Variants in LRRTM4 observed in about 807,000 individuals in gnomAD.
The protein encoded by LRRTM4 is leucine-rich repeat transmembrane neuronal protein 4.
In LRRTM4, 25 loss-of-function variants were observed where a neutral mutation model predicts 47.6. That is an observed-to-expected ratio of 0.53 (90% confidence interval 0.38 to 0.73). The LOEUF (loss-of-function observed/expected upper bound fraction) is 0.73. Ranked by LOEUF, LRRTM4 falls within the 30% of genes least tolerant of loss-of-function variation. The pLI is 0.00. For missense variants in LRRTM4, 638 were observed against 713.4 expected (o/e 0.89, Z 1.20); for synonymous variants, 311 against 269.5 (o/e 1.15, Z -1.51).
chr2:77,467,827 A>T (rs1395007039), intron 3 of LRRTM4, among the ~76,000 whole-genome samples: 2 of 152,178 alleles, frequency 1.3e-5, no homozygotes, highest in East Asian at 3.9e-4. Context: ...GAAGAAACAC[A>T]TTTTTGTGTG....
chr2:77,254,594 A>C (rs2104022361), intron 3 of LRRTM4, among the ~76,000 whole-genome samples: 1 of 152,006 alleles, frequency 6.6e-6, no homozygotes, highest in South Asian at 2.1e-4. Flanking sequence ...TAAAAATTTT[A>C]ACTGCCAAAT....
intron 3 of LRRTM4, among the ~76,000 whole-genome samples, chr2:76,775,020 G>A (rs1465725458): frequency 6.6e-6 from 1 of 152,064 alleles, no homozygotes; most frequent in Non-Finnish European, 1.5e-5. Flanking sequence ...CCTCTAGTGT[G>A]GTGTCTCTTA....
At chr2:77,247,603 T>G (rs1317341023) in intron 3 of LRRTM4, among the ~76,000 whole-genome samples, 1 of 152,078 alleles carries the variant, frequency 6.6e-6, no homozygotes, top group Non-Finnish European at 1.5e-5. Flanking sequence ...TAACTCTAAA[T>G]TGACTCTTAT....
At chr2:77,180,230 T>C (rs1311852192) in intron 3 of LRRTM4, among the ~76,000 whole-genome samples, 1 of 152,174 alleles carries the variant, frequency 6.6e-6, no homozygotes, top group African/African-American at 2.4e-5. Flanking sequence ...CAGAGAGATA[T>C]TCTGAGTCCC....
intron 3 of LRRTM4, among the ~76,000 whole-genome samples, chr2:77,140,267 C>T (rs1371896643): frequency 1.3e-5 from 2 of 152,038 alleles, no homozygotes; most frequent in African/African-American, 4.8e-5. Context: ...GTACTGGTAC[C>T]AAAACAAAGA....
intron 3 of LRRTM4, among the ~76,000 whole-genome samples, chr2:77,444,396 T>C (rs1046687370): frequency 2.8e-4 from 42 of 152,122 alleles, no homozygotes; most frequent in African/African-American, 9.7e-4. Flanking sequence ...TAGTGATATA[T>C]TCCCTTGCTC....
At chr2:77,142,804 C>G (rs937476572) in intron 3 of LRRTM4, among the ~76,000 whole-genome samples, 4 of 152,124 alleles carry the variant, frequency 2.6e-5, no homozygotes, top group Non-Finnish European at 5.9e-5. Context: ...CACGTAATCT[C>G]TAAAGATTGT....
At chr2:76,813,725 G>A (rs879228227) in intron 3 of LRRTM4, among the ~76,000 whole-genome samples, 1 of 152,046 alleles carries the variant, frequency 6.6e-6, no homozygotes, top group Admixed American at 6.6e-5. Flanking sequence ...GTGGGATGAG[G>A]CAGATTCAAA....
intron 3 of LRRTM4, among the ~76,000 whole-genome samples, chr2:77,152,806 G>A (rs908219841): frequency 5.3e-5 from 8 of 151,894 alleles, no homozygotes; most frequent in South Asian, 2.1e-4. Flanking sequence ...CCTTTTTATT[G>A]TAAATTGACA....
At chr2:77,114,919 C>T (rs1435725732) in intron 3 of LRRTM4, among the ~76,000 whole-genome samples, 1 of 152,130 alleles carries the variant, frequency 6.6e-6, no homozygotes, top group African/African-American at 2.4e-5. Flanking sequence ...CATGCATTGT[C>T]TTGATAAACA....
intron 3 of LRRTM4, among the ~76,000 whole-genome samples, chr2:77,429,686 C>T (rs559318494): frequency 1.2e-4 from 18 of 151,954 alleles, no homozygotes; most frequent in South Asian, 4.1e-4. Context: ...AGTGGAATGG[C>T]GGTTATCAGG....
At chr2:76,886,542 G>C (rs888703856) in intron 3 of LRRTM4, among the ~76,000 whole-genome samples, 8 of 151,926 alleles carry the variant, frequency 5.3e-5, no homozygotes, top group Non-Finnish European at 7.4e-5. Flanking sequence ...GAAGAAAAAA[G>C]AGATATATAT....
At chr2:76,843,828 G>A (rs897816262) in intron 3 of LRRTM4, among the ~76,000 whole-genome samples, 1 of 151,582 alleles carries the variant, frequency 6.6e-6, no homozygotes, top group Non-Finnish European at 1.5e-5. Flanking sequence ...ATTATGAAAA[G>A]TAAAAACAAC....
At chr2:77,050,133 T>A (rs1391749284) in intron 3 of LRRTM4, among the ~76,000 whole-genome samples, 1 of 151,052 alleles carries the variant, frequency 6.6e-6, no homozygotes, top group Non-Finnish European at 1.5e-5. Flanking sequence ...CAAGTCTTTT[T>A]TTTTTTTTTT....
At chr2:77,058,365 T>C (rs1679675231) in intron 3 of LRRTM4, among the ~76,000 whole-genome samples, 1 of 152,172 alleles carries the variant, frequency 6.6e-6, no homozygotes, top group Non-Finnish European at 1.5e-5. Flanking sequence ...AAGCCAAGTC[T>C]ACTGGCGAAT....
intron 3 of LRRTM4, among the ~76,000 whole-genome samples, chr2:76,774,252 T>C (rs1673854449): frequency 6.6e-6 from 1 of 152,046 alleles, no homozygotes; most frequent in Non-Finnish European, 1.5e-5. Context: ...TGGTGCAATC[T>C]TGGCTCACTG....
chr2:77,493,393 C>T (rs1019277504), intron 3 of LRRTM4, among the ~76,000 whole-genome samples: 5 of 151,974 alleles, frequency 3.3e-5, no homozygotes, highest in Admixed American at 1.3e-4. Flanking sequence ...TATATTCAAA[C>T]TTCTGGAAAG....
At chr2:76,925,591 AT>A in intron 3 of LRRTM4, among the ~76,000 whole-genome samples, 1 of 152,262 alleles carries the variant, frequency 6.6e-6, no homozygotes, top group East Asian at 1.9e-4. Flanking sequence ...GCTTCAGGCC[AT>A]TTTCAAGGTA....
chr2:77,002,184 T>C (rs1047436336), intron 3 of LRRTM4, among the ~76,000 whole-genome samples: 23 of 152,158 alleles, frequency 1.5e-4, no homozygotes, highest in Admixed American at 5.2e-4. Flanking sequence ...TTTTCAAACA[T>C]ATATGTTAGC....
Sources: gnomAD v4.1 joint callset for allele counts (sites outside exome capture counted in the v4.1 genomes callset) on GRCh38, gnomAD v4.1.1 for gene constraint, MANE v1.5 for transcripts, NCBI Gene and HGNC (gene_info 2026-07-23, HGNC 2026-07-21) for gene names.